The following PCCA variants were observed in gnomAD, a reference collection of about 807,000 sequenced individuals.
The protein encoded by PCCA is propionyl-CoA carboxylase alpha chain, mitochondrial.
Under a neutral mutation model 101.3 loss-of-function variants are expected in PCCA, and 74 were observed. The observed-to-expected ratio is 0.73, with a 90% CI of 0.61 to 0.89. The LOEUF (loss-of-function observed/expected upper bound fraction) is 0.89. Ranked by LOEUF, PCCA falls within the 40% of genes least tolerant of loss-of-function variation. The pLI is 0.00. For missense variants in PCCA, 891 were observed against 907.0 expected (o/e 0.98, Z 0.23); for synonymous variants, 294 against 313.6 (o/e 0.94, Z 0.66).
At chr13:100,479,196 C>A (rs952512284) in intron 21 of PCCA, among the ~76,000 whole-genome samples, 1 of 152,186 alleles carries the variant, frequency 6.6e-6, no homozygotes, top group South Asian at 2.1e-4. Context: ...CTGCTGGTTA[C>A]TCAAAAATAA....
chr13:100,149,662 C>T (rs2053052691), intron 4 of PCCA: 1 of 152,184 alleles, frequency 6.6e-6, no homozygotes, highest in Admixed American at 6.5e-5. Context: ...CAGTGTCTTG[C>T]ATTGAAGGAC....
chr13:100,418,627 G>A (rs1343133588), intron 19 of PCCA, among the ~76,000 whole-genome samples: 3 of 152,120 alleles, frequency 2.0e-5, no homozygotes, highest in Admixed American at 2.0e-4. Context: ...GAGATCAGGA[G>A]TTCGAGACCA....
intron 9 of PCCA, among the ~76,000 whole-genome samples, chr13:100,261,275 A>C (rs890879234): frequency 1.4e-4 from 22 of 152,162 alleles, no homozygotes; most frequent in Admixed American, 8.5e-4. Flanking sequence ...AAAGGAATTA[A>C]ATTTTATATG....
At chr13:100,488,624 TTTTGTTTTGTTTTTTTTTTG>T (rs1177339497) in intron 21 of PCCA, among the ~76,000 whole-genome samples, 177 of 105,816 alleles carry the variant, frequency 1.7e-3, no homozygotes, top group African/African-American at 2.7e-3. Context: ...AGTTTTGTTT[TTTTGTTTTGTTTTTTTTTTG>T]TTTTTTTTTT....
At chr13:100,315,895 C>G (rs1281584703) in intron 16 of PCCA, among the ~76,000 whole-genome samples, 6 of 152,074 alleles carry the variant, frequency 3.9e-5, no homozygotes, top group Non-Finnish European at 7.4e-5. Context: ...CTCTACTGTC[C>G]CCATACCATT....
chr13:100,093,508 T>A (rs1310664765), intron 1 of PCCA, among the ~76,000 whole-genome samples: 1 of 152,182 alleles, frequency 6.6e-6, no homozygotes. Context: ...ACTCAGAAAG[T>A]GTTTGTGGAG....
intron 19 of PCCA, among the ~76,000 whole-genome samples, chr13:100,389,848 T>C (rs1036554910): frequency 1.2e-4 from 18 of 152,204 alleles, no homozygotes; most frequent in African/African-American, 4.1e-4. Flanking sequence ...GTGCCAGCCC[T>C]GAACCTGGTC....
At chr13:100,225,336 G>T (rs1315530669) in intron 7 of PCCA, among the ~76,000 whole-genome samples, 1 of 152,188 alleles carries the variant, frequency 6.6e-6, no homozygotes, top group Non-Finnish European at 1.5e-5. Flanking sequence ...AGTTTCAGAA[G>T]AAATTTATTT....
intron 15 of PCCA, among the ~76,000 whole-genome samples, chr13:100,309,103 A>G (rs1305978632): frequency 6.6e-6 from 1 of 152,122 alleles, no homozygotes; most frequent in Non-Finnish European, 1.5e-5. Flanking sequence ...TTAGTTATGA[A>G]AGTGTTAAGG....
At chr13:100,526,612 G>A (rs938368293) in intron 22 of PCCA, among the ~76,000 whole-genome samples, 1 of 152,242 alleles carries the variant, frequency 6.6e-6, no homozygotes, top group African/African-American at 2.4e-5. Flanking sequence ...GTGGTGTGAG[G>A]GGCCAGGAGC....
intron 8 of PCCA, among the ~76,000 whole-genome samples, chr13:100,253,874 A>T (rs1594944541): frequency 6.8e-6 from 1 of 147,810 alleles, no homozygotes; most frequent in African/African-American, 2.5e-5. Context: ...TTTTTTTTTT[A>T]AAGCAGTCTC....
intron 12 of PCCA, among the ~76,000 whole-genome samples, chr13:100,275,056 TG>T (rs1282434374): frequency 0.028 from 208 of 7,558 alleles, no homozygotes; most frequent in African/African-American, 0.077. Context: ...GGGGAGGGGG[TG>T]GGGGGGGAGG....
intron 4 of PCCA, among the ~76,000 whole-genome samples, chr13:100,144,775 A>T (rs1345649723): frequency 6.6e-6 from 1 of 152,224 alleles, no homozygotes; most frequent in African/African-American, 2.4e-5. Context: ...ATAAACAACA[A>T]ACCAGAATTT....
chr13:100,231,709 C>T (rs2060480913), intron 7 of PCCA, among the ~76,000 whole-genome samples: 1 of 152,126 alleles, frequency 6.6e-6, no homozygotes, highest in African/African-American at 2.4e-5. Flanking sequence ...TTTCCTACAA[C>T]TTTTAATCCT....
At chr13:100,239,923 A>G (rs938868175) in intron 8 of PCCA, among the ~76,000 whole-genome samples, 2 of 152,062 alleles carry the variant, frequency 1.3e-5, no homozygotes, top group Non-Finnish European at 1.5e-5. Context: ...CCTTTCAGTC[A>G]GGCCAAAACT....
intron 6 of PCCA, among the ~76,000 whole-genome samples, chr13:100,166,597 C>G (rs755575767): frequency 1.3e-5 from 2 of 152,200 alleles, no homozygotes; most frequent in Non-Finnish European, 2.9e-5. Flanking sequence ...CCGTGCCTAG[C>G]CTGCATTCCT....
chr13:100,242,527 A>T (rs1219498599), intron 8 of PCCA, among the ~76,000 whole-genome samples: 1 of 152,212 alleles, frequency 6.6e-6, no homozygotes, highest in Admixed American at 6.5e-5. Flanking sequence ...CTTGAACAGC[A>T]CTATATACTA....
chr13:100,257,808 G>A (rs934778370), intron 9 of PCCA, 135 bp downstream of exon 9: 64 of 684,530 alleles, frequency 9.3e-5, no homozygotes, highest in Non-Finnish European at 1.3e-4. Context: ...TTTTGAATGG[G>A]AAAAAGATTG....
chr13:100,220,797 C>T (rs886583520), intron 7 of PCCA, among the ~76,000 whole-genome samples: 6 of 152,238 alleles, frequency 3.9e-5, no homozygotes, highest in African/African-American at 1.4e-4. Context: ...TGAGAGACCA[C>T]AGACTTAGTC....
Sources: gnomAD v4.1 joint callset for allele counts (sites outside exome capture counted in the v4.1 genomes callset) on GRCh38, gnomAD v4.1.1 for gene constraint, MANE v1.5 for transcripts, NCBI Gene and HGNC (gene_info 2026-07-23, HGNC 2026-07-21) for gene names.